PTPRM: variants seen among roughly 807,000 people sequenced by gnomAD.
PTPRM encodes the protein receptor-type tyrosine-protein phosphatase mu.
A neutral mutation model predicts 186.7 loss-of-function variants in PTPRM; 47 were observed. The observed-to-expected ratio is 0.25, with a 90% CI of 0.20 to 0.32. The LOEUF is 0.32. Among genes scored for constraint, PTPRM ranks in the 10% least tolerant of loss-of-function variants. PTPRM has a pLI of 1.00. For missense variants in PTPRM, 1,494 were observed against 1,865.0 expected (o/e 0.80, Z 3.66); for synonymous variants, 668 against 674.9 (o/e 0.99, Z 0.16).
At chr18:7,597,596 T>C (rs749723863) in intron 1 of PTPRM, among the ~76,000 whole-genome samples, 36 of 152,184 alleles carry the variant, frequency 2.4e-4, no homozygotes, top group Non-Finnish European at 4.6e-4. Context: ...AGTCACTTTT[T>C]GCTAATAAAG....
chr18:8,203,359 A>G (rs1054304731), intron 14 of PTPRM, among the ~76,000 whole-genome samples: 27 of 148,350 alleles, frequency 1.8e-4, no homozygotes, highest in African/African-American at 6.9e-4. Flanking sequence ...CAACAACACA[A>G]ATTTCGGAAG....
intron 11 of PTPRM, among the ~76,000 whole-genome samples, chr18:8,090,769 A>AT (rs2145360278): frequency 1.3e-5 from 2 of 152,062 alleles, no homozygotes; most frequent in South Asian, 4.1e-4. Flanking sequence ...TAATTTTTGT[A>AT]TTTTTAGTAG....
At chr18:7,710,369 TA>T (rs1375812601) in intron 1 of PTPRM, among the ~76,000 whole-genome samples, 1 of 152,122 alleles carries the variant, frequency 6.6e-6, no homozygotes, top group Non-Finnish European at 1.5e-5. Flanking sequence ...AAACCCTGCA[TA>T]AAACTGGTAT....
At chr18:8,151,490 C>T (rs936805424) in intron 14 of PTPRM, among the ~76,000 whole-genome samples, 2 of 142,826 alleles carry the variant, frequency 1.4e-5, no homozygotes, top group Non-Finnish European at 3.1e-5. Context: ...CCCCGCCCCC[C>T]ACCAAGCTGG....
At chr18:8,032,474 A>C (rs533569682) in intron 7 of PTPRM, among the ~76,000 whole-genome samples, 1 of 152,296 alleles carries the variant, frequency 6.6e-6, no homozygotes, top group African/African-American at 2.4e-5. Context: ...CTAGGATAAA[A>C]TCTAACTAGA....
At chr18:7,919,731 T>A (rs12607648) in intron 4 of PTPRM, among the ~76,000 whole-genome samples, 40,793 of 152,034 alleles carry the variant, frequency 0.27, 5,852 homozygotes, top group East Asian at 0.44. Flanking sequence ...TATGACTATT[T>A]GGTGTAGCGT....
intron 14 of PTPRM, among the ~76,000 whole-genome samples, chr18:8,227,128 C>T (rs138111039): frequency 2.0e-4 from 31 of 152,288 alleles, no homozygotes; most frequent in East Asian, 5.8e-4. Context: ...AAAGTAATTG[C>T]GACTTTTGTC....
At chr18:8,161,579 T>C (rs956064796) in intron 14 of PTPRM, among the ~76,000 whole-genome samples, 6 of 152,166 alleles carry the variant, frequency 3.9e-5, no homozygotes, top group African/African-American at 1.4e-4. Context: ...TGAATCACTT[T>C]TTAAAGTATG....
At chr18:7,727,370 C>A (rs1227994903) in intron 1 of PTPRM, among the ~76,000 whole-genome samples, 1 of 152,102 alleles carries the variant, frequency 6.6e-6, no homozygotes, top group Non-Finnish European at 1.5e-5. Flanking sequence ...CCTTGAAAGG[C>A]TGCTTTATTT....
intron 1 of PTPRM, among the ~76,000 whole-genome samples, chr18:7,612,678 C>T (rs2037705496): frequency 6.6e-6 from 1 of 152,142 alleles, no homozygotes; most frequent in African/African-American, 2.4e-5. Context: ...TAGCCAGGTC[C>T]TCCAAAATTG....
At position 8,076,438 on chromosome 18, in the gene PTPRM, C is replaced by A. The variant is rs779432310; in HGVS notation, c.1442-17C>A. On this transcript the variant is annotated splice_polypyrimidine_tract_variant and intron_variant, in intron 8 of 32. Coordinates refer to ENST00000580170, the MANE Select transcript of PTPRM (RefSeq NM_001105244.2). ...TGTTTATTACTTAAACATTTATTTCCTCCCACCCTCCTTTAGTCCCAGGTG... is the reference window on the plus strand; with the variant it reads ...TGTTTATTACTTAAACATTTATTTCATCCCACCCTCCTTTAGTCCCAGGTG... The A allele has an allele frequency of 7.1e-7, 1 of 1,415,308 alleles. No homozygotes were observed. The highest frequency in any genetic ancestry group is 9.9e-7 in the Non-Finnish European group (1 of 1,005,038). 87.7% of individuals were successfully genotyped at this position (1,415,308 alleles called of 1,614,324 possible). A position where few individuals can be genotyped will look rare whatever the true frequency, so the allele number is the denominator to read the frequency against.
At chr18:7,827,117 A>C (rs1328988076) in intron 2 of PTPRM, among the ~76,000 whole-genome samples, 1 of 152,104 alleles carries the variant, frequency 6.6e-6, no homozygotes, top group African/African-American at 2.4e-5. Flanking sequence ...AACAAAAACA[A>C]AACATCTTAT....
chr18:8,231,070 AT>A (rs2094280399), intron 14 of PTPRM, among the ~76,000 whole-genome samples: 2 of 152,190 alleles, frequency 1.3e-5, no homozygotes, highest in African/African-American at 4.8e-5. Context: ...TTTATATGTG[AT>A]TTACCTTTCC....
At chr18:8,077,257 A>G (rs966699729) in intron 9 of PTPRM, among the ~76,000 whole-genome samples, 10 of 152,146 alleles carry the variant, frequency 6.6e-5, no homozygotes, top group Non-Finnish European at 1.0e-4. Context: ...TGCAAATTCC[A>G]CAAAATTATA....
At chr18:7,806,164 T>C (rs971947233) in intron 2 of PTPRM, among the ~76,000 whole-genome samples, 3 of 152,176 alleles carry the variant, frequency 2.0e-5, no homozygotes, top group African/African-American at 7.2e-5. Flanking sequence ...CTTTCCCTTT[T>C]CTGTTTGATG....
intron 2 of PTPRM, among the ~76,000 whole-genome samples, chr18:7,778,877 A>G (rs751329300): frequency 1.3e-5 from 2 of 152,198 alleles, no homozygotes; most frequent in East Asian, 1.9e-4. Flanking sequence ...GCACTGTTAC[A>G]TCCTATCACT....
At chr18:8,071,124 G>T (rs1328060148) in intron 8 of PTPRM, among the ~76,000 whole-genome samples, 1 of 152,086 alleles carries the variant, frequency 6.6e-6, no homozygotes, top group African/African-American at 2.4e-5. Context: ...TCAAGCAGTT[G>T]TTTGAGAGGG....
chr18:8,238,386 C>G (rs2094371376), intron 14 of PTPRM, among the ~76,000 whole-genome samples: 1 of 152,126 alleles, frequency 6.6e-6, no homozygotes, highest in Admixed American at 6.5e-5. Flanking sequence ...CATTTCCAGT[C>G]TGCTAATGAA....
intron 22 of PTPRM, among the ~76,000 whole-genome samples, chr18:8,329,903 A>T (rs765873881): frequency 2.4e-4 from 37 of 152,132 alleles, no homozygotes; most frequent in Non-Finnish European, 4.0e-4. Flanking sequence ...GGCTCAAGGG[A>T]TCCTCCTGCC....
Sources: allele counts gnomAD v4.1 joint callset (sites outside exome capture counted in the v4.1 genomes callset), GRCh38; gene constraint gnomAD v4.1.1; transcripts MANE v1.5; gene names NCBI Gene and HGNC (gene_info 2026-07-23, HGNC 2026-07-21).